SUCLA2: variants seen among roughly 807,000 people sequenced by gnomAD.
SUCLA2 encodes the protein succinate-CoA ligase ADP-forming subunit beta.
Under a neutral mutation model 54.8 loss-of-function variants are expected in SUCLA2, and 30 were observed. That is an observed-to-expected ratio of 0.55 (90% CI 0.41 to 0.74). SUCLA2 has a LOEUF of 0.74. Among genes scored for constraint, SUCLA2 ranks in the 30% least tolerant of loss-of-function variants. The pLI is 0.00. For synonymous variants in SUCLA2, 172 were observed against 188.9 expected, an observed-to-expected ratio of 0.91 and a Z score of 0.74; for missense variants, 476 against 562.9, an observed-to-expected ratio of 0.85 and a Z score of 1.56.
intron 1 of SUCLA2, among the ~76,000 whole-genome samples, chr13:48,000,367 C>A (rs78984030): frequency 0.033 from 5,008 of 152,298 alleles, 287 homozygotes; most frequent in African/African-American, 0.11. Flanking sequence ...GGGATTAAAT[C>A]TCAGCTTTGA....
intron 4 of SUCLA2, among the ~76,000 whole-genome samples, chr13:47,973,701 CA>C (rs1484699779): frequency 6.6e-6 from 1 of 152,150 alleles, no homozygotes; most frequent in African/African-American, 2.4e-5. Flanking sequence ...AAATGCCCAT[CA>C]ATGATACACT....
intron 5 of SUCLA2, chr13:47,971,548 T>G (rs1949964864): frequency 8.3e-6 from 2 of 241,886 alleles, no homozygotes; most frequent in Non-Finnish European, 1.6e-5. Flanking sequence ...CAATGGGGGC[T>G]TTTTTTTAGT....
At position 47,965,526 on chromosome 13, in the gene SUCLA2, A is replaced by C. The variant is rs1949911323; in HGVS notation, c.802+3069T>G. The stretch of plus-strand genomic sequence containing the variant: ...AAAAAAACAAACAAACAAAAAAAAA[A>C]AACAAAGAAAAACAGGAACAACAAA... On this transcript the variant is annotated intron_variant, in intron 6 of 10. Transcript: ENST00000646932. The C allele has an allele frequency of 7.7e-6, 3 of 390,762 alleles. No homozygotes were observed. The Admixed American group carries it at 1.3e-4, about 17-fold the overall frequency. The allele number at this position is 390,762 out of a possible 1,614,324, so 24.2% of individuals were successfully genotyped here.
intron 10 of SUCLA2, among the ~76,000 whole-genome samples, chr13:47,945,394 G>C (rs1949721154): frequency 7.8e-6 from 1 of 128,720 alleles, no homozygotes; most frequent in Non-Finnish European, 1.5e-5. Flanking sequence ...CTGTACTCCA[G>C]CCTAGGTGAC....
intron 6 of SUCLA2, among the ~76,000 whole-genome samples, chr13:47,964,812 G>C (rs779473839): frequency 1.4e-4 from 21 of 151,968 alleles, no homozygotes; most frequent in Admixed American, 7.2e-4. Context: ...AGCTGAGATC[G>C]TGCCACTGCA....
At chr13:47,999,248 T>C (rs1202888474) in intron 1 of SUCLA2, among the ~76,000 whole-genome samples, 4 of 152,228 alleles carry the variant, frequency 2.6e-5, no homozygotes, top group African/African-American at 9.6e-5. Flanking sequence ...ATCTAAACTA[T>C]ATATATTCAT....
chr13:48,000,410 T>G (rs1166937517), intron 1 of SUCLA2, among the ~76,000 whole-genome samples: 1 of 152,212 alleles, frequency 6.6e-6, no homozygotes, highest in Non-Finnish European at 1.5e-5. Flanking sequence ...TCCAAATTAC[T>G]TGTTCTCTTA....
intron 6 of SUCLA2, among the ~76,000 whole-genome samples, chr13:47,960,060 T>C (rs1949856484): frequency 6.6e-6 from 1 of 152,128 alleles, no homozygotes; most frequent in African/African-American, 2.4e-5. Flanking sequence ...AAAATATTCA[T>C]CATGTGGTTT....
chr13:47,952,343 G>A (rs1448740960), intron 8 of SUCLA2, among the ~76,000 whole-genome samples: 1 of 151,854 alleles, frequency 6.6e-6, no homozygotes, highest in Non-Finnish European at 1.5e-5. Flanking sequence ...TCCATTCTTG[G>A]TTCCTCATCT....
intron 6 of SUCLA2, among the ~76,000 whole-genome samples, chr13:47,956,421 A>T (rs2137697294): frequency 6.6e-6 from 1 of 152,326 alleles, no homozygotes; most frequent in Non-Finnish European, 1.5e-5. Context: ...AATATCAAGA[A>T]GTCTAATGTG....
intron 4 of SUCLA2, among the ~76,000 whole-genome samples, chr13:47,979,081 T>A (rs1950040875): frequency 6.6e-6 from 1 of 152,226 alleles, no homozygotes; most frequent in Non-Finnish European, 1.5e-5. Flanking sequence ...TGTAAATTAG[T>A]TCCACCATTG....
At chr13:47,964,479 G>A (rs1949899677) in intron 6 of SUCLA2, among the ~76,000 whole-genome samples, 1 of 152,142 alleles carries the variant, frequency 6.6e-6, no homozygotes, top group African/African-American at 2.4e-5. Context: ...TAAAAAAAAT[G>A]TTGAAAACTA....
At chr13:47,954,023 A>T in intron 8 of SUCLA2, 117 bp downstream of exon 8, 3 of 972,058 alleles carry the variant, frequency 3.1e-6, no homozygotes, top group South Asian at 7.3e-5. Flanking sequence ...GACTCAAAAT[A>T]TATATTAAAA....
At chr13:47,945,088 A>G (rs1286930876) in intron 10 of SUCLA2, among the ~76,000 whole-genome samples, 1 of 151,796 alleles carries the variant, frequency 6.6e-6, no homozygotes, top group Non-Finnish European at 1.5e-5. Flanking sequence ...CATCTCTACT[A>G]AAAATACATA....
At position 47,984,017 on chromosome 13, in the gene SUCLA2, T is replaced by C. The variant is rs1207920762; in HGVS notation, c.534+4524A>G. Among the ~76,000 whole-genome samples, 29 of 152,198 alleles carry C rather than the reference T, an allele frequency of 1.9e-4. 1 individual carries two copies. On this transcript the variant is annotated intron_variant, in intron 4 of 10. Coordinates refer to ENST00000646932, the MANE Select transcript of SUCLA2 (RefSeq NM_003850.3). ...CCAATTAGAAAGAAACCAACTTGCA[T>C]GGGTAAACGTTAAACAATGACTATA...
At chr13:47,970,401 T>G (rs1949953250) in intron 5 of SUCLA2, among the ~76,000 whole-genome samples, 1 of 152,184 alleles carries the variant, frequency 6.6e-6, no homozygotes, top group African/African-American at 2.4e-5. Context: ...GTAAATCAAG[T>G]ATTTTCTTCC....
rs889688291 is a variant in SUCLA2 at position 47,954,940 on chromosome 13, C to T, written c.803-383G>A. 2.6e-5 allele frequency among the ~76,000 whole-genome samples: 4 copies of T among 152,108 alleles called. No homozygotes were observed. The East Asian group carries it at 7.7e-4, about 29-fold the overall frequency. On this transcript the variant is annotated intron_variant, in intron 6 of 10. Transcript: ENST00000646932. ...ATAATGTTCCAGCAATTCTGTCTCC[C>T]CTACATTATAAATCTGCCTCCCCCC...
chr13:47,973,029 C>T (rs954779282), intron 5 of SUCLA2, among the ~76,000 whole-genome samples: 3 of 151,722 alleles, frequency 2.0e-5, no homozygotes, highest in African/African-American at 7.3e-5. Flanking sequence ...GGATTACAGG[C>T]GTGAGACACC....
chr13:47,997,096 A>C, intron 1 of SUCLA2, 73 bp from the exon 2 acceptor site: 1 of 1,479,152 alleles, frequency 6.8e-7, no homozygotes, highest in Non-Finnish European at 9.4e-7. Context: ...TTGGTTCTTC[A>C]TAACTATAAC....
Sources: gnomAD v4.1 joint callset for allele counts (sites outside exome capture counted in the v4.1 genomes callset) on GRCh38, gnomAD v4.1.1 for gene constraint, MANE v1.5 for transcripts, NCBI Gene and HGNC (gene_info 2026-07-23, HGNC 2026-07-21) for gene names.